The following PHKB variants were observed in gnomAD, a reference collection of about 807,000 sequenced individuals.
PHKB encodes phosphorylase kinase regulatory subunit beta, also known as phosphorylase b kinase regulatory subunit beta.
Under a neutral mutation model 152.1 loss-of-function variants are expected in PHKB, and 122 were observed. The observed-to-expected ratio is 0.80, with a 90% CI of 0.69 to 0.93. The LOEUF is 0.93. PHKB is among the 40% of genes least tolerant of loss of function. PHKB has a pLI of 0.00. For synonymous variants in PHKB, 436 were observed against 464.9 expected (o/e 0.94, Z 0.80); for missense variants, 1,304 against 1,328.4 (o/e 0.98, Z 0.29).
intron 1 of PHKB, among the ~76,000 whole-genome samples, chr16:47,472,177 T>G (rs1435087377): frequency 6.6e-6 from 1 of 152,250 alleles, no homozygotes; most frequent in Non-Finnish European, 1.5e-5. Flanking sequence ...ATATTGACCC[T>G]TCTATTCTGA....
chr16:47,547,569 G>T (rs989866055), intron 7 of PHKB, 21 bp downstream of exon 7: 20 of 1,217,876 alleles, frequency 1.6e-5, no homozygotes, highest in African/African-American at 7.6e-5. Flanking sequence ...GATTTCTGAG[G>T]TTTTTTTTTT....
intron 13 of PHKB, among the ~76,000 whole-genome samples, chr16:47,608,715 A>G (rs1972372309): frequency 6.6e-6 from 1 of 152,210 alleles, no homozygotes; most frequent in Non-Finnish European, 1.5e-5. Context: ...CAAAACAAAG[A>G]AAAATCCTTT....
At chr16:47,545,559 C>T (rs1028107355) in intron 6 of PHKB, among the ~76,000 whole-genome samples, 1 of 152,032 alleles carries the variant, frequency 6.6e-6, no homozygotes, top group Non-Finnish European at 1.5e-5. Flanking sequence ...GTGAATTTGA[C>T]AATTATGTGT....
At chr16:47,482,165 C>T (rs949802925) in intron 1 of PHKB, among the ~76,000 whole-genome samples, 18 of 152,314 alleles carry the variant, frequency 1.2e-4, no homozygotes, top group South Asian at 8.3e-4. Context: ...CTTCCTTAGA[C>T]GGATTCTCAG....
intron 1 of PHKB, among the ~76,000 whole-genome samples, chr16:47,494,913 C>T (rs575383400): frequency 6.6e-6 from 1 of 152,272 alleles, no homozygotes; most frequent in Non-Finnish European, 1.5e-5. Flanking sequence ...TTGTGTAGAA[C>T]ATCCTTGTTA....
At chr16:47,698,800 A>G (rs897363786) in intron 30 of PHKB, among the ~76,000 whole-genome samples, 2 of 152,092 alleles carry the variant, frequency 1.3e-5, no homozygotes, top group African/African-American at 4.8e-5. Flanking sequence ...TCTGACAAAA[A>G]AGAGATCTAG....
At position 47,641,653 on chromosome 16, in the gene PHKB, A is replaced by G; in HGVS notation, c.1569A>G (p.Val523=). ...TTCAAACTCAAACTCCTCAACAAGT[A>G]GAACCCATTCAGATATGGCCTCAGC... ...YGIQTQTPQQ[V]EPIQIWPQQE... is the part of the protein sequence containing the mutation. Residue 523 remains valine, a synonymous_variant, in exon 16 of 31, where the codon GTA becomes GTG. Coordinates refer to ENST00000323584, the MANE Select transcript of PHKB (RefSeq NM_000293.3). 1 of 1,607,138 alleles carries G rather than the reference A, an allele frequency of 6.2e-7. No individual in the cohort carries two copies. Among genetic ancestry groups the G allele is most frequent in the Non-Finnish European group, 8.5e-7 (1 of 1,173,562 alleles).
At chr16:47,616,466 T>C (rs1343924049) in intron 14 of PHKB, among the ~76,000 whole-genome samples, 1 of 139,952 alleles carries the variant, frequency 7.1e-6, no homozygotes, top group Non-Finnish European at 1.6e-5. Flanking sequence ...ATATATATGA[T>C]ATATAATATA....
intron 1 of PHKB, among the ~76,000 whole-genome samples, chr16:47,492,134 C>T (rs1175244737): frequency 6.6e-6 from 1 of 152,152 alleles, no homozygotes; most frequent in Non-Finnish European, 1.5e-5. Flanking sequence ...GATTGAACTC[C>T]TGGCTGCCAT....
At chr16:47,517,606 C>G (rs1027822932) in intron 6 of PHKB, among the ~76,000 whole-genome samples, 3 of 152,104 alleles carry the variant, frequency 2.0e-5, no homozygotes, top group Admixed American at 6.6e-5. Flanking sequence ...TTTGCTTTCT[C>G]AATATATGTC....
At chr16:47,547,931 A>G in intron 7 of PHKB, 1 of 261,432 alleles carries the variant, frequency 3.8e-6, no homozygotes, top group Non-Finnish European at 7.4e-6. Flanking sequence ...CACTGAATAT[A>G]AAATTTCCTT....
At chr16:47,623,325 A>G (rs918645364) in intron 14 of PHKB, among the ~76,000 whole-genome samples, 3 of 152,100 alleles carry the variant, frequency 2.0e-5, no homozygotes, top group African/African-American at 7.2e-5. Flanking sequence ...AGAGGAAAAC[A>G]TTATATTTTC....
At chr16:47,631,176 G>T (rs1227699883) in intron 14 of PHKB, among the ~76,000 whole-genome samples, 1 of 151,786 alleles carries the variant, frequency 6.6e-6, no homozygotes, top group African/African-American at 2.4e-5. Flanking sequence ...AGAGATCTCT[G>T]CCTGCTATAG....
intron 25 of PHKB, among the ~76,000 whole-genome samples, chr16:47,666,524 C>T (rs1454875045): frequency 6.6e-6 from 1 of 152,248 alleles, no homozygotes; most frequent in East Asian, 1.9e-4. Context: ...CCAGGGCCAA[C>T]TCTGTCACCT....
In PHKB at chr16:47,522,370, C is replaced by G. The variant is rs1363730921; in HGVS notation, c.594+6769C>G. 3.3e-5 allele frequency among the ~76,000 whole-genome samples: 5 copies of G among 152,104 alleles called. No homozygotes were observed. The East Asian group carries it at 9.6e-4, about 29-fold the overall frequency. ...TCCTATTTAAGTCCTCTTTATTTCT[C>G]TAAGATTGATGTTAATGTCCCTTAT... On this transcript the variant is annotated intron_variant, in intron 6 of 30. Transcript: ENST00000323584.
chr16:47,492,277 A>G (rs1479736392), intron 1 of PHKB, among the ~76,000 whole-genome samples: 2 of 152,226 alleles, frequency 1.3e-5, no homozygotes, highest in African/African-American at 2.4e-5. Context: ...GATTGGCTAC[A>G]GATTAAGACC....
chr16:47,547,580 A>T (rs762409871), intron 7 of PHKB, 32 bp downstream of exon 7: 81 of 1,100,664 alleles, frequency 7.4e-5, no homozygotes, highest in Non-Finnish European at 1.0e-4. Flanking sequence ...TTTTTTTTTT[A>T]AATTAAATGT....
intron 28 of PHKB, among the ~76,000 whole-genome samples, chr16:47,694,465 A>G (rs933154733): frequency 5.9e-5 from 9 of 152,164 alleles, no homozygotes; most frequent in African/African-American, 2.2e-4. Context: ...AATTGGTAGT[A>G]TTCTTTTCTT....
At chr16:47,549,520 T>C (rs1971233902) in intron 7 of PHKB, among the ~76,000 whole-genome samples, 1 of 151,806 alleles carries the variant, frequency 6.6e-6, no homozygotes, top group Non-Finnish European at 1.5e-5. Context: ...TGACAACCTG[T>C]CTCTACTTAA....
Sources: allele counts gnomAD v4.1 joint callset (sites outside exome capture counted in the v4.1 genomes callset), GRCh38; gene constraint gnomAD v4.1.1; transcripts MANE v1.5; gene names NCBI Gene and HGNC (gene_info 2026-07-23, HGNC 2026-07-21).